MAGT1: variants seen among roughly 807,000 people sequenced by gnomAD.
MAGT1 encodes magnesium transporter 1.
MAGT1 carries 4 observed loss-of-function variants against 28.4 expected under a neutral mutation model. The ratio of observed to expected loss-of-function variants is 0.14; its 90% confidence interval spans 0.07 to 0.32. The LOEUF (loss-of-function observed/expected upper bound fraction) is 0.32, where lower values mean the gene tolerates loss of function less well. Ranked by LOEUF, MAGT1 falls within the 10% of genes least tolerant of loss-of-function variation. The probability of loss-of-function intolerance (pLI) is 1.00; values close to 1 mark genes in which losing one functional copy is unlikely to be tolerated. For missense variants in MAGT1, 193 were observed against 264.5 expected (o/e 0.73, Z 1.88); for synonymous variants, 89 against 89.7 (o/e 0.99, Z 0.04).
intron 1 of MAGT1, among the ~76,000 whole-genome samples, chrX:77,880,256 G>A (rs955122349): frequency 9.1e-6 from 1 of 109,453 alleles, no homozygotes; most frequent in Non-Finnish European, 1.9e-5. Flanking sequence ...TAGGCCAGGC[G>A]CGGTGGCTCA....
chrX:77,884,530 G>C (rs782264438), intron 1 of MAGT1, among the ~76,000 whole-genome samples: 143 of 110,980 alleles, frequency 1.3e-3, no homozygotes, highest in Non-Finnish European at 2.2e-3. Flanking sequence ...AAGATACTGA[G>C]GTAGAAACTC....
chrX:77,839,510 A>ATTT (rs35868006), intron 8 of MAGT1, among the ~76,000 whole-genome samples: 1 of 80,386 alleles, frequency 1.2e-5, no homozygotes. Context: ...CGCCTGGCTA[A>ATTT]TTTTTTTTTT....
chrX:77,864,271 TG>T (rs1317041247), intron 3 of MAGT1, among the ~76,000 whole-genome samples: 130 of 12,171 alleles, frequency 0.011, 1 homozygote, highest in Non-Finnish European at 0.015. Flanking sequence ...GTGGGCGGGG[TG>T]GGGGGGAGGG....
rs1197535207 is a variant in MAGT1 at position 77,828,270 on chromosome X, G to A, written c.*950C>T. 1 of 110,596 alleles carries A rather than the reference G, an allele frequency of 9.0e-6. No homozygotes were observed. Among genetic ancestry groups the A allele is most frequent in the African/African-American group, 3.3e-5 (1 of 30,468 alleles). 9.1% of individuals were successfully genotyped at this position (110,596 alleles called of 1,213,427 possible). ...ATGTCTTTTCATGTTCACAGCTATCGAGAAGCATAGACATTGCTGGTGTGG... is the reference window on the plus strand; with the variant it reads ...ATGTCTTTTCATGTTCACAGCTATCAAGAAGCATAGACATTGCTGGTGTGG... On this transcript the variant is annotated 3_prime_UTR_variant, in exon 10 of 10. Transcript: ENST00000618282.
At chrX:77,847,930 C>T (rs940159967) in intron 7 of MAGT1, among the ~76,000 whole-genome samples, 9 of 111,443 alleles carry the variant, frequency 8.1e-5, no homozygotes, top group African/African-American at 2.6e-4. Flanking sequence ...ATCATTTCTA[C>T]AGGCTTTGAT....
intron 1 of MAGT1, among the ~76,000 whole-genome samples, chrX:77,884,424 G>A (rs782611645): frequency 9.0e-6 from 1 of 110,966 alleles, no homozygotes; most frequent in South Asian, 3.8e-4. Flanking sequence ...TCCTCAAAAC[G>A]ACACTATAAG....
intron 1 of MAGT1, among the ~76,000 whole-genome samples, chrX:77,877,785 C>A (rs1451561657): frequency 1.9e-5 from 2 of 105,005 alleles, no homozygotes; most frequent in Non-Finnish European, 3.9e-5. Flanking sequence ...TGCGCTCCAA[C>A]GTGGGCGACA....
At chrX:77,836,279 T>C (rs2076917964) in intron 8 of MAGT1, among the ~76,000 whole-genome samples, 1 of 111,111 alleles carries the variant, frequency 9.0e-6, no homozygotes, top group African/African-American at 3.3e-5. Context: ...GGATGGCTAA[T>C]GGGTACCAAA....
intron 8 of MAGT1, among the ~76,000 whole-genome samples, chrX:77,835,673 C>T (rs1328270757): frequency 1.8e-5 from 2 of 111,801 alleles, no homozygotes; most frequent in Non-Finnish European, 3.8e-5. Flanking sequence ...CAATAGCCAA[C>T]ATTTGGAAGC....
chrX:77,876,162 ATAT>A (rs1223976459), intron 1 of MAGT1, among the ~76,000 whole-genome samples: 1 of 37,949 alleles, frequency 2.6e-5, no homozygotes, highest in East Asian at 1.3e-3. Context: ...ATATATATAT[ATAT>A]TTTTTTTTTT....
intron 2 of MAGT1, among the ~76,000 whole-genome samples, chrX:77,874,841 T>A (rs1176720930): frequency 9.2e-6 from 1 of 109,285 alleles, no homozygotes; most frequent in Non-Finnish European, 1.9e-5. Context: ...TGGCATACAG[T>A]TACATAAGTT....
At position 77,827,862 on chromosome X, in the gene MAGT1, T is replaced by C. The variant is rs782776203; in HGVS notation, c.*1358A>G. The C allele has an allele frequency of 4.5e-5, 5 of 111,960 alleles. No individual in the cohort carries two copies. Among genetic ancestry groups the C allele is most frequent in the African/African-American group, 1.3e-4 (4 of 30,927 alleles). 9.2% of individuals were successfully genotyped at this position (111,960 alleles called of 1,213,427 possible). A position where few individuals can be genotyped will look rare whatever the true frequency, so the allele number is the denominator to read the frequency against. ...TTACACTGATTTTAGCACTAAGCTA[T>C]ATTTTTATCACAGATGGGTCACCTT... On this transcript the variant is annotated 3_prime_UTR_variant, in exon 10 of 10. Coordinates refer to ENST00000618282, the MANE Select transcript of MAGT1 (RefSeq NM_001367916.1).
chrX:77,829,763 C>T (rs187136670), intron 9 of MAGT1, among the ~76,000 whole-genome samples: 134 of 110,910 alleles, frequency 1.2e-3, no homozygotes, highest in Non-Finnish European at 2.1e-3. Context: ...CACTCTATTT[C>T]TTAAAAAAAA....
intron 7 of MAGT1, among the ~76,000 whole-genome samples, chrX:77,846,982 C>T (rs1557215013): frequency 8.9e-6 from 1 of 112,030 alleles, no homozygotes; most frequent in African/African-American, 3.2e-5. Flanking sequence ...ACATTTAAGT[C>T]TGCAGAGGTT....
intron 7 of MAGT1, among the ~76,000 whole-genome samples, chrX:77,842,219 C>A (rs1012990452): frequency 1.2e-4 from 13 of 109,054 alleles, no homozygotes; most frequent in African/African-American, 1.7e-4. Flanking sequence ...ATGGTGAGAC[C>A]CTGTTTCTAC....
At chrX:77,882,148 A>G (rs938420430) in intron 1 of MAGT1, among the ~76,000 whole-genome samples, 1 of 112,176 alleles carries the variant, frequency 8.9e-6, no homozygotes, top group Admixed American at 9.6e-5. Context: ...GGACGTATCT[A>G]AAAATAATAA....
At chrX:77,834,213 T>C (rs899435568) in intron 8 of MAGT1, among the ~76,000 whole-genome samples, 3 of 100,595 alleles carry the variant, frequency 3.0e-5, no homozygotes, top group Non-Finnish European at 4.0e-5. Context: ...TATATACATG[T>C]GTGTATATAT....
intron 1 of MAGT1, among the ~76,000 whole-genome samples, chrX:77,880,636 C>T (rs1470931247): frequency 1.8e-5 from 2 of 110,382 alleles, no homozygotes; most frequent in Non-Finnish European, 3.8e-5. Flanking sequence ...TCTAAACCCA[C>T]AGAAAAAGAT....
chrX:77,844,591 T>C (rs1419896397), intron 7 of MAGT1, among the ~76,000 whole-genome samples: 5 of 111,733 alleles, frequency 4.5e-5, no homozygotes, highest in East Asian at 5.6e-4. Flanking sequence ...TTTAGTGCTA[T>C]AAATTTCCCT....
Sources: gnomAD v4.1 joint callset for allele counts (sites outside exome capture counted in the v4.1 genomes callset) on GRCh38, gnomAD v4.1.1 for gene constraint, MANE v1.5 for transcripts, NCBI Gene and HGNC (gene_info 2026-07-23, HGNC 2026-07-21) for gene names.